The following ABHD2 variants were observed in gnomAD, a reference collection of about 807,000 sequenced individuals.
ABHD2 encodes the protein monoacylglycerol lipase ABHD2.
A neutral mutation model predicts 48.1 loss-of-function variants in ABHD2; 20 were observed. The ratio of observed to expected loss-of-function variants is 0.42; its 90% CI spans 0.29 to 0.60. The LOEUF is 0.60. Ranked by LOEUF, ABHD2 falls within the 20% of genes least tolerant of loss-of-function variation. ABHD2 has a pLI of 0.24. For missense variants in ABHD2, 405 were observed against 550.9 expected (o/e 0.74, Z 2.65); for synonymous variants, 209 against 214.2 (o/e 0.98, Z 0.21).
At chr15:89,049,430 C>T in the ABHD2 span, among the ~76,000 whole-genome samples, 1 of 152,364 alleles carries the variant, frequency 6.6e-6, no homozygotes, top group East Asian at 1.9e-4. Flanking sequence ...GTTCGAGCTT[C>T]CTGGCTGCTT....
At position 89,155,584 on chromosome 15, in the gene ABHD2, C is replaced by CT; in HGVS notation, c.538+52dup. On this transcript the variant is annotated intron_variant, in intron 5 of 10. Transcript: ENST00000352732. The surrounding 1 kb of genome is among the most constrained non-coding windows in gnomAD (Gnocchi z 4.9). ...CCCTTTTTCTGCAAGTGTGCTACTA[C>CT]TTCTGCTTCTGCCTTGTTTTTTCTT... The CT allele has an allele frequency of 3.2e-6, 5 of 1,569,318 alleles. No homozygotes were observed. The highest frequency in any genetic ancestry group is 4.3e-6 in the Non-Finnish European group (5 of 1,154,034).
chr15:89,106,927 C>G lies in ABHD2; in HGVS notation c.-106-6798C>G, dbSNP rs1473780987. Among the ~76,000 whole-genome samples, 1 of 152,166 alleles carries G rather than the reference C, an allele frequency of 6.6e-6. No individual in the cohort carries two copies. The highest frequency in any genetic ancestry group is 6.5e-5 in the Admixed American group (1 of 15,276). The stretch of plus-strand genomic sequence containing the variant: ...GCTGCCACCAAAGAGGCTGAAAAAT[C>G]AGAATGACATGGGATGGAAACAGAC... On this transcript the variant is annotated intron_variant, in intron 1 of 10. Transcript: ENST00000352732. The surrounding 1 kb of genome is among the most constrained non-coding windows in gnomAD (Gnocchi z 4.2).
chr15:89,096,075 G>C (rs1261170136), intron 1 of ABHD2, among the ~76,000 whole-genome samples: 3 of 152,210 alleles, frequency 2.0e-5, no homozygotes, highest in African/African-American at 7.2e-5. Flanking sequence ...CTGTAGCAGT[G>C]GTCCCAGCGA....
At chr15:89,041,182 T>C in the ABHD2 span, 1 of 152,154 alleles carries the variant, frequency 6.6e-6, no homozygotes, top group East Asian at 1.9e-4. Context: ...GTGACGTGAG[T>C]GTGCCATTCT....
the ABHD2 span, among the ~76,000 whole-genome samples, chr15:89,054,134 C>T: frequency 6.6e-6 from 1 of 152,178 alleles, no homozygotes; most frequent in Admixed American, 6.5e-5. Context: ...CCAGCCTAGC[C>T]AACATGATGA....
chr15:89,117,530 T>C (rs2049980773), intron 3 of ABHD2, among the ~76,000 whole-genome samples: 1 of 152,240 alleles, frequency 6.6e-6, no homozygotes, highest in Non-Finnish European at 1.5e-5. Flanking sequence ...TGGGTCTGAA[T>C]TCCCCACTCC....
At position 89,166,204 on chromosome 15, in the gene ABHD2, C is replaced by T. The variant is rs181293769; in HGVS notation, c.539-9608C>T. Among the ~76,000 whole-genome samples the T allele has an allele frequency of 1.8e-3, 276 of 152,326 alleles. No homozygotes were observed. Among genetic ancestry groups the T allele is most frequent in the Middle Eastern group, 3.4e-3 (1 of 294 alleles). ...CCTGGCTCTGGCTCCCCAAAGGTAA[C>T]GAGTCCCTTAGGATCATGAGCCTTC... On this transcript the variant is annotated intron_variant, in intron 5 of 10. Coordinates refer to ENST00000352732, the MANE Select transcript of ABHD2 (RefSeq NM_152924.5). The surrounding 1 kb of genome is among the most constrained non-coding windows in gnomAD (Gnocchi z 4.6).
intron 1 of ABHD2, among the ~76,000 whole-genome samples, chr15:89,099,853 G>A (rs1311169819): frequency 1.3e-5 from 2 of 151,946 alleles, no homozygotes; most frequent in East Asian, 3.9e-4. Flanking sequence ...AGGTTGCAGT[G>A]AGCCAAGATC....
the ABHD2 span, among the ~76,000 whole-genome samples, chr15:89,053,836 G>A: frequency 2.6e-5 from 4 of 152,134 alleles, no homozygotes; most frequent in Non-Finnish European, 5.9e-5. Flanking sequence ...TGCTTCTAGC[G>A]GCTGCCAAGC....
At chr15:89,081,028 C>G in the ABHD2 span, among the ~76,000 whole-genome samples, 2 of 148,632 alleles carry the variant, frequency 1.3e-5, no homozygotes, top group Non-Finnish European at 3.0e-5. Context: ...GAGACAGGGT[C>G]TCACTCTGTC....
chr15:89,049,111 C>T, the ABHD2 span, among the ~76,000 whole-genome samples: 2 of 152,046 alleles, frequency 1.3e-5, no homozygotes, highest in Admixed American at 6.6e-5. Flanking sequence ...ACAGACAGGA[C>T]GCTCAGCTGC....
upstream of ABHD2, among the ~76,000 whole-genome samples, chr15:89,086,540 C>T (rs1318164967): frequency 6.6e-6 from 1 of 152,138 alleles, no homozygotes; most frequent in Non-Finnish European, 1.5e-5. Context: ...TCAGCCTCCC[C>T]ACTAGCTGGG....
At position 89,184,228 on chromosome 15, in the gene ABHD2, T is replaced by G. The variant is rs181304598; in HGVS notation, c.723-1196T>G. On this transcript the variant is annotated intron_variant, in intron 6 of 10. Transcript: ENST00000352732. The surrounding 1 kb of genome is among the most constrained non-coding windows in gnomAD (Gnocchi z 5.1). ...CGACATTGTGGGAAATGTTTGTCAC[T>G]CCAAAACTGTGGAATTTTGCCATTC... 2.1e-3 allele frequency among the ~76,000 whole-genome samples: 324 copies of G among 152,294 alleles called. 1 individual carries two copies. Among genetic ancestry groups the G allele is most frequent in the African/African-American group, 7.5e-3 (310 of 41,550 alleles).
chr15:89,065,696 C>T, the ABHD2 span, among the ~76,000 whole-genome samples: 1 of 152,140 alleles, frequency 6.6e-6, no homozygotes, highest in Non-Finnish European at 1.5e-5. Context: ...CCCACTTTGC[C>T]TCACCCTCCT....
the ABHD2 span, among the ~76,000 whole-genome samples, chr15:89,055,417 C>T: frequency 6.6e-6 from 1 of 150,468 alleles, no homozygotes; most frequent in African/African-American, 2.4e-5. Flanking sequence ...ACCTCTGCCT[C>T]CTGGACTCAA....
At chr15:89,108,615 C>T (rs1376963414) in intron 1 of ABHD2, among the ~76,000 whole-genome samples, 1 of 152,166 alleles carries the variant, frequency 6.6e-6, no homozygotes, top group Non-Finnish European at 1.5e-5. Context: ...TCTGTTTGTT[C>T]GTGCTTTCCG....
Position 89,185,843 on chromosome 15 carries a change from T to C in ABHD2, c.815+327T>C, listed in dbSNP as rs376253801. Among the ~76,000 whole-genome samples, 3 of 152,236 alleles carry C rather than the reference T, an allele frequency of 2.0e-5. No homozygotes were observed. The highest frequency in any genetic ancestry group is 4.1e-4 in the South Asian group (2 of 4,822). ...AATTAGCTGGGCATGATGGTGCCGC[T>C]GTAATCCCAGCTACTTGGGAGGCTG... is the stretch of plus-strand genomic sequence containing the variant. On this transcript the variant is annotated intron_variant, in intron 7 of 10. Transcript: ENST00000352732. The surrounding 1 kb of genome is among the most constrained non-coding windows in gnomAD (Gnocchi z 5.9).
chr15:89,072,772 G>T, the ABHD2 span, among the ~76,000 whole-genome samples: 1 of 152,020 alleles, frequency 6.6e-6, no homozygotes, highest in African/African-American at 2.4e-5. Context: ...GCCTCTTCTT[G>T]CCCTCAATAT....
intron 6 of ABHD2, chr15:89,183,383 AAATATAT>A (rs1407271193): frequency 5.0e-4 from 33 of 66,076 alleles, no homozygotes; most frequent in African/African-American, 1.1e-3. Context: ...AAAAAAAAAA[AAATATAT>A]ATATATATAT....
Sources: allele counts gnomAD v4.1 joint callset (sites outside exome capture counted in the v4.1 genomes callset), GRCh38; gene constraint gnomAD v4.1.1; non-coding constraint Gnocchi (gnomAD v3.1); transcripts MANE v1.5; gene names NCBI Gene and HGNC (gene_info 2026-07-23, HGNC 2026-07-21).